Variants in FAM222A observed in about 807,000 individuals in gnomAD.
FAM222A encodes the protein family with sequence similarity 222 member A.
In FAM222A, 7 loss-of-function variants were observed where a neutral mutation model predicts 25.8. That is an observed-to-expected ratio of 0.27 (90% CI 0.15 to 0.51). FAM222A has a LOEUF of 0.51. Among genes scored for constraint, FAM222A ranks in the 20% least tolerant of loss-of-function variants. The pLI is 0.97. For synonymous variants in FAM222A, 294 were observed against 298.8 expected, an observed-to-expected ratio of 0.98 and a Z score of 0.17; for missense variants, 573 against 640.5, an observed-to-expected ratio of 0.89 and a Z score of 1.14.
At chr12:109,752,725 G>C (rs1171230900) in intron 2 of FAM222A, among the ~76,000 whole-genome samples, 1 of 152,230 alleles carries the variant, frequency 6.6e-6, no homozygotes, top group Admixed American at 6.5e-5. Context: ...CTTGGTTTAG[G>C]GGGACGAGGT....
At chr12:109,732,097 G>A (rs1466462035) in intron 1 of FAM222A, among the ~76,000 whole-genome samples, 1 of 152,036 alleles carries the variant, frequency 6.6e-6, no homozygotes, top group Admixed American at 6.5e-5. Flanking sequence ...TGAGAGTGCA[G>A]GTCTAGAGCC....
Position 109,769,017 on chromosome 12 carries a change from C to A in FAM222A, c.1088C>A (p.Pro363Gln). Residue 363 changes from proline (P) to glutamine (Q), a missense_variant, in exon 3 of 3, where the codon CCA becomes CAA. Transcript: ENST00000538780. ...ACACCCACCAGCGACTGCTACAACC[C>A]AGCGGCGGCGGTGGTGGTCACGGAG... Reference protein sequence around the residue: ...LVTPTSDCYNPAAAVVVTELG... With the variant: ...LVTPTSDCYNQAAAVVVTELG... 6.3e-7 allele frequency: 1 copy of A among 1,580,100 alleles called. No homozygotes were observed. Among genetic ancestry groups the A allele is most frequent in the Non-Finnish European group, 8.6e-7 (1 of 1,165,292 alleles).
intron 2 of FAM222A, among the ~76,000 whole-genome samples, chr12:109,759,956 A>G (rs763435331): frequency 3.3e-5 from 5 of 152,162 alleles, no homozygotes; most frequent in Non-Finnish European, 5.9e-5. Flanking sequence ...CAGCTACAGC[A>G]TGGGGGTCCT....
chr12:109,714,705 C>T lies in FAM222A; in HGVS notation c.-239C>T, dbSNP rs780159329. On this transcript the variant is annotated 5_prime_UTR_variant, in exon 1 of 3. Coordinates refer to ENST00000538780, the MANE Select transcript of FAM222A (RefSeq NM_032829.3). This position sits in a 1 kb window ranked among gnomAD's most constrained non-coding sequence, Gnocchi z 4.2. ...TGCTGAACGGAGACCTCCCCTCCCC[C>T]CCGACTTCGGACGGCGCAGGCCGGC... 6.6e-6 allele frequency: 1 copy of T among 152,246 alleles called. No individual in the cohort carries two copies. The highest frequency in any genetic ancestry group is 1.9e-4 in the East Asian group (1 of 5,180). The allele number at this position is 152,246 out of a possible 1,614,324, so 9.4% of individuals were successfully genotyped here.
At chr12:109,747,883 T>A (rs975902943) in intron 2 of FAM222A, among the ~76,000 whole-genome samples, 4 of 152,238 alleles carry the variant, frequency 2.6e-5, no homozygotes, top group Admixed American at 1.3e-4. Context: ...CCTATTTTGT[T>A]TTATACCTTA....
At chr12:109,725,672 C>T (rs1255757699) in intron 1 of FAM222A, among the ~76,000 whole-genome samples, 1 of 151,926 alleles carries the variant, frequency 6.6e-6, no homozygotes, top group Non-Finnish European at 1.5e-5. Flanking sequence ...TGATTACCAG[C>T]TCCCATTGTA....
chr12:109,762,802 A>G (rs1288322479), intron 2 of FAM222A, among the ~76,000 whole-genome samples: 1 of 152,186 alleles, frequency 6.6e-6, no homozygotes, highest in Non-Finnish European at 1.5e-5. Flanking sequence ...AACAAGATGT[A>G]AAGGAGGAGC....
At chr12:109,716,943 G>A (rs1887657253) in intron 1 of FAM222A, among the ~76,000 whole-genome samples, 1 of 152,248 alleles carries the variant, frequency 6.6e-6, no homozygotes, top group African/African-American at 2.4e-5. Flanking sequence ...TAATGAAACT[G>A]AGGCTTAAAC....
At chr12:109,761,147 C>A (rs1888880782) in intron 2 of FAM222A, among the ~76,000 whole-genome samples, 1 of 152,162 alleles carries the variant, frequency 6.6e-6, no homozygotes, top group Non-Finnish European at 1.5e-5. Flanking sequence ...GGCCACACAG[C>A]CAGTGTGTGG....
At chr12:109,765,867 G>A (rs1889034538) in intron 2 of FAM222A, among the ~76,000 whole-genome samples, 1 of 152,200 alleles carries the variant, frequency 6.6e-6, no homozygotes, top group African/African-American at 2.4e-5. Flanking sequence ...TGGGCAGATG[G>A]GGAAGGTATT....
intron 1 of FAM222A, among the ~76,000 whole-genome samples, chr12:109,721,486 C>A (rs1203970460): frequency 6.6e-6 from 1 of 152,198 alleles, no homozygotes; most frequent in Admixed American, 6.5e-5. Context: ...TGCCCTCTTT[C>A]CCTGCTGAGT....
At chr12:109,737,958 A>G (rs1485298235) in intron 1 of FAM222A, among the ~76,000 whole-genome samples, 3 of 152,004 alleles carry the variant, frequency 2.0e-5, no homozygotes, top group Non-Finnish European at 2.9e-5. Flanking sequence ...TGCTGAGACA[A>G]GCGGGGTGGG....
At chr12:109,718,075 A>G (rs1887676913) in intron 1 of FAM222A, among the ~76,000 whole-genome samples, 2 of 152,180 alleles carry the variant, frequency 1.3e-5, no homozygotes, top group South Asian at 2.1e-4. Context: ...GGACCATAGC[A>G]CTCACTGTGC....
chr12:109,715,908 G>T (rs938675326), intron 1 of FAM222A, among the ~76,000 whole-genome samples: 11 of 152,186 alleles, frequency 7.2e-5, no homozygotes, highest in African/African-American at 2.7e-4. Flanking sequence ...GGAAAATGTG[G>T]GTGCCCCTCC....
Position 109,744,214 on chromosome 12 carries a change from T to C in FAM222A, c.68T>C (p.Leu23Pro), listed in dbSNP as rs1389768387. The C allele has an allele frequency of 1.9e-6, 3 of 1,613,114 alleles. No homozygotes were observed. Among genetic ancestry groups the C allele is most frequent in the Admixed American group, 1.7e-5 (1 of 60,006 alleles). Residue 23 changes from leucine (L) to proline (P), a missense_variant, in exon 2 of 3, where the codon CTG (leucine) becomes CCG (proline). Physicochemically the swap from Leu to Pro is moderately conservative, Grantham distance 98. This residue lies in a region of FAM222A where 112 missense variants were observed against 154.6 expected (regional missense o/e 0.72). Coordinates refer to ENST00000538780, the MANE Select transcript of FAM222A (RefSeq NM_032829.3). ...GQHLACPSKS[L>P]ELRKCEAVAS... Reference sequence around the variant, plus strand: ...CACCTGGCCTGCCCGAGCAAGAGCCTGGAGCTGCGCAAGTGTGAGTAGGAC... The same window carrying C: ...CACCTGGCCTGCCCGAGCAAGAGCCCGGAGCTGCGCAAGTGTGAGTAGGAC...
chr12:109,768,249 A>G lies in FAM222A; in HGVS notation c.320A>G (p.Lys107Arg), dbSNP rs746756128. Reference sequence around the variant, plus strand: ...TACCAGGGCCTTCTGGCCATTGTCAAGGCCGCGGTTTCCTCCTCCAGCACG... The same window carrying G: ...TACCAGGGCCTTCTGGCCATTGTCAGGGCCGCGGTTTCCTCCTCCAGCACG... ...AGYQGLLAIV[K>R]AAVSSSSTAA... Residue 107 changes from lysine (K) to arginine (R), a missense_variant, in exon 3 of 3, where the codon AAG (lysine) becomes AGG (arginine). By Grantham distance (26) the Lys-to-Arg change is conservative. Coordinates refer to ENST00000538780, the MANE Select transcript of FAM222A (RefSeq NM_032829.3). 6.8e-6 allele frequency: 11 copies of G among 1,609,706 alleles called. No homozygotes were observed. Among genetic ancestry groups the G allele is most frequent in the East Asian group, 2.2e-5 (1 of 44,598 alleles).
chr12:109,747,929 C>T (rs73202450), intron 2 of FAM222A, among the ~76,000 whole-genome samples: 354 of 152,266 alleles, frequency 2.3e-3, no homozygotes, highest in Non-Finnish European at 3.7e-3. Flanking sequence ...GCTACTATTT[C>T]TGGAACAATG....
At chr12:109,752,058 C>T (rs1888575244) in intron 2 of FAM222A, among the ~76,000 whole-genome samples, 1 of 152,156 alleles carries the variant, frequency 6.6e-6, no homozygotes, top group Non-Finnish European at 1.5e-5. Flanking sequence ...AAAAAAAATT[C>T]CAGGCTGGAC....
rs1889186341 is a variant in FAM222A, at chr12:109,769,657, A to G, written c.*369A>G. ...CCAGGCCAAGGTGGGGTGCAGGAGGAAACAGGCGCACCAGAGTCAGGGTGG... is the reference window on the plus strand; with the variant it reads ...CCAGGCCAAGGTGGGGTGCAGGAGGGAACAGGCGCACCAGAGTCAGGGTGG... On this transcript the variant is annotated 3_prime_UTR_variant, in exon 3 of 3. Transcript: ENST00000538780. 3.9e-6 allele frequency: 1 copy of G among 257,740 alleles called. No homozygotes were observed. The highest frequency in any genetic ancestry group is 2.2e-5 in the African/African-American group (1 of 44,898). The allele number at this position is 257,740 out of a possible 1,614,324, so 16.0% of individuals were successfully genotyped here. A position where few individuals can be genotyped will look rare whatever the true frequency, so the allele number is the denominator to read the frequency against.
Sources: allele counts gnomAD v4.1 joint callset (sites outside exome capture counted in the v4.1 genomes callset), GRCh38; gene constraint gnomAD v4.1.1; regional missense constraint gnomAD v4.1.1; non-coding constraint Gnocchi (gnomAD v3.1); transcripts MANE v1.5; gene names NCBI Gene and HGNC (gene_info 2026-07-23, HGNC 2026-07-21).